Variants in NRIP1 observed in about 807,000 individuals in gnomAD.
The protein encoded by NRIP1 is nuclear receptor interacting protein 1.
In NRIP1, 28 loss-of-function variants were observed where a neutral mutation model predicts 75.0. The observed-to-expected ratio is 0.37, with a 90% confidence interval of 0.28 to 0.51. The LOEUF (loss-of-function observed/expected upper bound fraction) is 0.51. Among genes scored for constraint, NRIP1 ranks in the 20% least tolerant of loss-of-function variants. The pLI is 0.92. For missense variants in NRIP1, 1,435 were observed against 1,343.7 expected (o/e 1.07, Z -1.06); for synonymous variants, 526 against 487.6 (o/e 1.08, Z -1.04).
chr21:15,031,559 C>T (rs1179608427), intron 2 of NRIP1, among the ~76,000 whole-genome samples: 1 of 145,036 alleles, frequency 6.9e-6, no homozygotes, highest in East Asian at 2.0e-4. Context: ...TCACCACATT[C>T]CCTTTCTATG....
Position 14,966,013 on chromosome 21 carries a change from T to A in NRIP1, c.2180A>T (p.Lys727Ile). 2 of 1,611,586 alleles carry A rather than the reference T, an allele frequency of 1.2e-6. No homozygotes were observed. Among genetic ancestry groups the A allele is most frequent in the Non-Finnish European group, 1.7e-6 (2 of 1,179,396 alleles). The change falls in exon 4 of 4, where the codon AAA becomes ATA. Residue 727 changes from lysine to isoleucine, a missense_variant. By Grantham distance (102) the Lys-to-Ile change is moderately radical. Coordinates refer to ENST00000318948, the MANE Select transcript of NRIP1 (RefSeq NM_003489.4). ...ATCTCTTAAGGGAGTTTTCTCTTTT[T>A]TTTCACTCTTCCCTTTGTTGGGGTT... Reference protein sequence around the residue: ...LGNPNKGKSEKKEKTPLRDES... With the variant: ...LGNPNKGKSEIKEKTPLRDES...
intron 1 of NRIP1, among the ~76,000 whole-genome samples, chr21:15,044,914 CT>C (rs1414003555): frequency 2.6e-4 from 39 of 152,114 alleles, no homozygotes; most frequent in Admixed American, 2.0e-3. Flanking sequence ...CAGTAAATGT[CT>C]GATAAATGAC....
At chr21:15,059,764 C>T (rs1420308573) in intron 1 of NRIP1, among the ~76,000 whole-genome samples, 1 of 152,002 alleles carries the variant, frequency 6.6e-6, no homozygotes, top group Non-Finnish European at 1.5e-5. Context: ...TAAGAGGATC[C>T]TTTTTTTCAT....
At chr21:15,019,475 T>TTTC (rs1362500772) in intron 2 of NRIP1, among the ~76,000 whole-genome samples, 1 of 72,346 alleles carries the variant, frequency 1.4e-5, no homozygotes, top group Admixed American at 1.7e-4. Flanking sequence ...CATTTCTTTT[T>TTTC]TTTTTTTTTT....
At chr21:15,038,011 A>G (rs552377845) in intron 2 of NRIP1, among the ~76,000 whole-genome samples, 52 of 152,170 alleles carry the variant, frequency 3.4e-4, no homozygotes, top group African/African-American at 1.3e-3. Flanking sequence ...AGAAACCAAA[A>G]CTCATAATTC....
At chr21:15,037,104 G>T (rs1446129197) in intron 2 of NRIP1, among the ~76,000 whole-genome samples, 1 of 152,052 alleles carries the variant, frequency 6.6e-6, no homozygotes, top group African/African-American at 2.4e-5. Flanking sequence ...GCTTATTCAG[G>T]TAAGGAACAT....
chr21:15,059,482 AT>A (rs918948173), intron 1 of NRIP1, among the ~76,000 whole-genome samples: 5 of 150,562 alleles, frequency 3.3e-5, no homozygotes, highest in East Asian at 1.9e-4. Context: ...TACTATTATT[AT>A]TTTTTTTTGC....
rs920940143 is a variant in NRIP1, at chr21:15,043,528, A to G, written c.-491T>C. On this transcript the variant is annotated 5_prime_UTR_variant, in exon 2 of 4. Transcript: ENST00000318948. ...TGTGTTTCTCCCAAATGTTAAAATA[A>G]TGAGTCCTGAGAACAGTTCTGAAAT... is the stretch of plus-strand genomic sequence containing the variant. 2.0e-5 allele frequency: 3 copies of G among 152,224 alleles called. No homozygotes were observed. Among genetic ancestry groups the G allele is most frequent in the Admixed American group, 6.5e-5 (1 of 15,288 alleles). The allele number at this position is 152,224 out of a possible 1,614,324, so 9.4% of individuals were successfully genotyped here.
At chr21:14,989,993 T>G (rs1049236873) in intron 3 of NRIP1, among the ~76,000 whole-genome samples, 1 of 152,186 alleles carries the variant, frequency 6.6e-6, no homozygotes, top group Non-Finnish European at 1.5e-5. Context: ...CTTATTTCCT[T>G]GCCCATTTTC....
At chr21:15,053,417 CTT>C (rs957786519) in intron 1 of NRIP1, among the ~76,000 whole-genome samples, 19 of 152,156 alleles carry the variant, frequency 1.2e-4, no homozygotes, top group African/African-American at 4.6e-4. Flanking sequence ...TTTATTCACC[CTT>C]TTCATTGCAA....
In NRIP1 at chr21:14,973,843, A is replaced by ATTTT. The variant is rs11391044; in HGVS notation, c.-334-5321_-334-5318dup. Among the ~76,000 whole-genome samples, 1,983 of 129,808 alleles carry ATTTT rather than the reference A, an allele frequency of 0.015. 210 individuals carry two copies. The East Asian group carries it at 0.27, about 18-fold the overall frequency. The allele number at this position is 129,808 out of a possible 152,430, so 85.2% of individuals were successfully genotyped here. Reference sequence around the variant, plus strand: ...AGGTGTGTGCCACCATGCAGAGCTGATTTTTTTTTTTTTTTTTTCCTGTGG... The same window carrying ATTTT: ...AGGTGTGTGCCACCATGCAGAGCTGATTTTTTTTTTTTTTTTTTTTTTCCTGTGG... On this transcript the variant is annotated intron_variant, in intron 3 of 3. Coordinates refer to ENST00000318948, the MANE Select transcript of NRIP1 (RefSeq NM_003489.4).
At chr21:15,015,353 T>C (rs1166270176) in intron 2 of NRIP1, among the ~76,000 whole-genome samples, 1 of 152,188 alleles carries the variant, frequency 6.6e-6, no homozygotes, top group Non-Finnish European at 1.5e-5. Flanking sequence ...TCAAAACTTG[T>C]CAGATTGTTC....
chr21:15,050,585 T>G, intron 1 of NRIP1: 1 of 367,174 alleles, frequency 2.7e-6, no homozygotes, highest in South Asian at 2.0e-5. Flanking sequence ...CAACTTTCAA[T>G]GAAGAAAGAA....
In NRIP1 at chr21:15,064,827, C is replaced by T. The variant is rs1470264138; in HGVS notation, c.-620G>A. The T allele has an allele frequency of 6.7e-6, 1 of 148,346 alleles. No individual in the cohort carries two copies. Among genetic ancestry groups the T allele is most frequent in the African/African-American group, 2.4e-5 (1 of 41,052 alleles). 9.2% of individuals were successfully genotyped at this position (148,346 alleles called of 1,614,324 possible). A position where few individuals can be genotyped will look rare whatever the true frequency, so the allele number is the denominator to read the frequency against. ...CTGCCGCCCCGTCCTGGCCCGGCGC[C>T]CCGGCGAGCTCTTCCCTCCGACCAG... On this transcript the variant is annotated 5_prime_UTR_variant, in exon 1 of 4. Transcript: ENST00000318948.
At chr21:15,031,139 GCACGGAGGATCACCACATTCCCTTTCTAT>G (rs2088673084) in intron 2 of NRIP1, among the ~76,000 whole-genome samples, 1 of 124,450 alleles carries the variant, frequency 8.0e-6, no homozygotes, top group Non-Finnish European at 1.7e-5. Flanking sequence ...TCTGGAAGGC[GCACGGAGGATCACCACATTCCCTTTCTAT>G]GTGTGTACAC....
intron 2 of NRIP1, among the ~76,000 whole-genome samples, chr21:15,028,542 T>C (rs1362893757): frequency 1.3e-5 from 2 of 152,184 alleles, no homozygotes; most frequent in Non-Finnish European, 2.9e-5. Flanking sequence ...TTTTACAAGG[T>C]TTGGGGCTGA....
At chr21:14,994,529 A>ATATGAC in intron 3 of NRIP1, among the ~76,000 whole-genome samples, 1 of 152,350 alleles carries the variant, frequency 6.6e-6, no homozygotes, top group African/African-American at 2.4e-5. Context: ...CTTCTGAGTG[A>ATATGAC]TATGACATGG....
At chr21:14,984,021 T>C (rs766408110) in intron 3 of NRIP1, among the ~76,000 whole-genome samples, 2 of 152,206 alleles carry the variant, frequency 1.3e-5, no homozygotes, top group Non-Finnish European at 2.9e-5. Flanking sequence ...AGCTCATGGA[T>C]CAAAGAGTAA....
At chr21:15,057,687 G>A (rs1416661828) in intron 1 of NRIP1, among the ~76,000 whole-genome samples, 3 of 152,136 alleles carry the variant, frequency 2.0e-5, no homozygotes, top group African/African-American at 7.2e-5. Flanking sequence ...TCAAACAATG[G>A]CATATTCTTT....
Sources: allele counts gnomAD v4.1 joint callset (sites outside exome capture counted in the v4.1 genomes callset), GRCh38; gene constraint gnomAD v4.1.1; transcripts MANE v1.5; gene names NCBI Gene and HGNC (gene_info 2026-07-23, HGNC 2026-07-21).